Variants in NTRK3 observed in about 807,000 individuals in gnomAD.
The protein encoded by NTRK3 is NT-3 growth factor receptor.
In NTRK3, 24 loss-of-function variants were observed where a neutral mutation model predicts 91.7. The observed-to-expected ratio is 0.26, with a 90% CI of 0.19 to 0.37. The LOEUF (loss-of-function observed/expected upper bound fraction) is 0.37, where lower values mean the gene tolerates loss of function less well. Ranked by LOEUF, NTRK3 falls within the 10% of genes least tolerant of loss-of-function variation. The probability of loss-of-function intolerance (pLI) is 1.00; values close to 1 mark genes in which losing one functional copy is unlikely to be tolerated. For missense variants in NTRK3, 880 were observed against 1,068.9 expected (o/e 0.82, Z 2.46); for synonymous variants, 483 against 404.0 (o/e 1.20, Z -2.34).
chr15:87,867,305 CT>C, exon 19 of NTRK3: 1 of 226,714 alleles, frequency 4.4e-6, no homozygotes, highest in Non-Finnish European at 8.8e-6. Context: ...GCCAATAGGG[CT>C]TTCCCTGGCT....
chr15:87,940,330 C>A (rs1018358115), intron 15 of NTRK3, among the ~76,000 whole-genome samples: 3 of 152,182 alleles, frequency 2.0e-5, no homozygotes, highest in Admixed American at 1.3e-4. Context: ...TGTGGAGGGC[C>A]AGGCCTGGGA....
intron 5 of NTRK3, among the ~76,000 whole-genome samples, chr15:88,178,866 C>A (rs1274468157): frequency 1.3e-5 from 2 of 152,316 alleles, no homozygotes; most frequent in Non-Finnish European, 2.9e-5. Flanking sequence ...GAAAGAGCAG[C>A]TCTTTCACGG....
In NTRK3 at chr15:87,923,226, A is replaced by G. The variant is rs556741038; in HGVS notation, c.2133+5965T>C. 8.5e-5 allele frequency among the ~76,000 whole-genome samples: 13 copies of G among 152,182 alleles called. 1 individual carries two copies. Among genetic ancestry groups the G allele is most frequent in the Non-Finnish European group, 1.9e-4 (13 of 68,034 alleles). On this transcript the variant is annotated intron_variant, in intron 17 of 18. Coordinates refer to ENST00000394480, the Ensembl canonical transcript of NTRK3. ...GTACAATTCATGTTTTTTCTCTTCTATGTGGGACACAGCTATGTTCCATTT... is the reference window on the plus strand; with the variant it reads ...GTACAATTCATGTTTTTTCTCTTCTGTGTGGGACACAGCTATGTTCCATTT...
At chr15:88,106,994 A>G (rs1231266221) in intron 13 of NTRK3, among the ~76,000 whole-genome samples, 6 of 152,120 alleles carry the variant, frequency 3.9e-5, no homozygotes, top group Admixed American at 2.6e-4. Flanking sequence ...CTACAGTTAC[A>G]TAGATATATG....
At chr15:88,136,849 C>T (rs143791115) in intron 7 of NTRK3, among the ~76,000 whole-genome samples, 57 of 152,232 alleles carry the variant, frequency 3.7e-4, no homozygotes, top group African/African-American at 1.3e-3. Context: ...CGGCAGGTTG[C>T]GGGGTGGGGG....
In NTRK3 at chr15:88,185,681, A is replaced by G. The variant is rs56386547; in HGVS notation, c.249-1382T>C. On this transcript the variant is annotated intron_variant, in intron 3 of 18. Transcript: ENST00000394480. Reference sequence around the variant, plus strand: ...GAGGTGACAGCTCATCCTGGGACAGAACTAACCCAGGCACACTCTGTCCAG... The same window carrying G: ...GAGGTGACAGCTCATCCTGGGACAGGACTAACCCAGGCACACTCTGTCCAG... Among the ~76,000 whole-genome samples the G allele has an allele frequency of 7.7e-3, 1,169 of 152,188 alleles. 21 individuals are homozygous for G. The highest frequency in any genetic ancestry group is 0.027 in the African/African-American group (1,125 of 41,506).
At chr15:88,162,793 C>G (rs940678204) in intron 5 of NTRK3, among the ~76,000 whole-genome samples, 1 of 152,180 alleles carries the variant, frequency 6.6e-6, no homozygotes, top group African/African-American at 2.4e-5. Context: ...CCTCCTCTTT[C>G]TCCAGCTTCC....
chr15:88,210,908 C>G (rs1392354648), intron 3 of NTRK3, among the ~76,000 whole-genome samples: 1 of 152,090 alleles, frequency 6.6e-6, no homozygotes, highest in African/African-American at 2.4e-5. Context: ...AAACACCCTG[C>G]CTGTGACCCA....
At chr15:88,152,592 G>A (rs2043488410) in intron 5 of NTRK3, among the ~76,000 whole-genome samples, 1 of 152,228 alleles carries the variant, frequency 6.6e-6, no homozygotes, top group South Asian at 2.1e-4. Context: ...CCAGAACTGT[G>A]AGGAAATAAA....
Position 87,888,772 on chromosome 15 carries a change from C to A in NTRK3, c.2134-8344G>T, listed in dbSNP as rs1214817042. ...CATACTCATACTAAAAATATGTTGG[C>A]TTTTTTTTTTGTCTAAAATTCAAAT... On this transcript the variant is annotated intron_variant, in intron 17 of 18. Coordinates refer to ENST00000394480, the Ensembl canonical transcript of NTRK3. 2.0e-5 allele frequency among the ~76,000 whole-genome samples: 3 copies of A among 147,134 alleles called. No homozygotes were observed. In the East Asian group the frequency reaches 5.9e-4, roughly 29 times the overall value.
rs147948766 is a variant in NTRK3 at position 88,062,043 on chromosome 15, A to G, written c.1397-28998T>C. On this transcript the variant is annotated intron_variant, in intron 13 of 18. Transcript: ENST00000394480. The stretch of plus-strand genomic sequence containing the variant: ...ATCATACAAATTTTTTAAAAATACA[A>G]GATAACAACTATTTACGTAGCGCTT... 1.6e-3 allele frequency among the ~76,000 whole-genome samples: 246 copies of G among 152,378 alleles called. 3 individuals are homozygous for G. The East Asian group carries it at 0.03, about 18-fold the overall frequency.
intron 14 of NTRK3, among the ~76,000 whole-genome samples, chr15:87,949,639 C>T (rs2070905335): frequency 6.6e-6 from 1 of 152,164 alleles, no homozygotes; most frequent in South Asian, 2.1e-4. Flanking sequence ...TGCTACCCCA[C>T]CATGCTCCAC....
At chr15:87,887,781 C>T (rs1156469785) in intron 17 of NTRK3, among the ~76,000 whole-genome samples, 1 of 152,070 alleles carries the variant, frequency 6.6e-6, no homozygotes, top group Non-Finnish European at 1.5e-5. Context: ...AAGAATAGTG[C>T]TAATTAATTA....
chr15:87,868,718 C>T (rs1295981997), exon 19 of NTRK3: 2 of 220,460 alleles, frequency 9.1e-6, no homozygotes, highest in Admixed American at 1.2e-4. Flanking sequence ...GGCTGTTGTG[C>T]CACAATGTGG....
At chr15:87,892,281 T>C (rs943651988) in intron 17 of NTRK3, among the ~76,000 whole-genome samples, 3 of 152,142 alleles carry the variant, frequency 2.0e-5, no homozygotes, top group African/African-American at 7.2e-5. Context: ...AGTTGGATAG[T>C]TTTCAATTAT....
chr15:87,962,590 C>T (rs1367587270), intron 14 of NTRK3, among the ~76,000 whole-genome samples: 1 of 152,168 alleles, frequency 6.6e-6, no homozygotes, highest in Non-Finnish European at 1.5e-5. Context: ...GAATTCCTTC[C>T]AGCTGGTTGA....
At chr15:88,204,561 G>C (rs1313400579) in intron 3 of NTRK3, among the ~76,000 whole-genome samples, 1 of 152,160 alleles carries the variant, frequency 6.6e-6, no homozygotes, top group African/African-American at 2.4e-5. Context: ...ATCACAGTCT[G>C]TTTTGGGATC....
chr15:88,180,331 C>T (rs1026797344), intron 5 of NTRK3, among the ~76,000 whole-genome samples: 1 of 152,144 alleles, frequency 6.6e-6, no homozygotes, highest in African/African-American at 2.4e-5. Context: ...AAAAGGGTTT[C>T]CCTTGATATG....
exon 19 of NTRK3, chr15:87,863,184 G>C (rs1265921764): frequency 4.4e-6 from 1 of 228,948 alleles, no homozygotes; most frequent in African/African-American, 2.2e-5. Context: ...CATTTGTTAG[G>C]AGGTCAAGAA....
Sources: gnomAD v4.1 joint callset for allele counts (sites outside exome capture counted in the v4.1 genomes callset) on GRCh38, gnomAD v4.1.1 for gene constraint, MANE v1.5 for transcripts, NCBI Gene and HGNC (gene_info 2026-07-23, HGNC 2026-07-21) for gene names.